Variants in CACNA1C observed in about 807,000 individuals in gnomAD.
CACNA1C encodes the protein voltage-dependent L-type calcium channel subunit alpha-1C.
Under a neutral mutation model 229.0 loss-of-function variants are expected in CACNA1C, and 30 were observed. The observed-to-expected ratio is 0.13, with a 90% CI of 0.10 to 0.18. The LOEUF is 0.18. CACNA1C is among the 10% of genes least tolerant of loss of function. CACNA1C has a pLI of 1.00. For missense variants in CACNA1C, 1,658 were observed against 2,845.0 expected (o/e 0.58, Z 9.49); for synonymous variants, 1,114 against 1,132.5 (o/e 0.98, Z 0.33).
At chr12:2,376,350 C>T (rs1325350047) in intron 3 of CACNA1C, among the ~76,000 whole-genome samples, 1 of 152,094 alleles carries the variant, frequency 6.6e-6, no homozygotes, top group Non-Finnish European at 1.5e-5. Flanking sequence ...ATTGCAGAGT[C>T]CTCATAAACT....
chr12:2,121,957 G>GT (rs1489291965), intron 3 of CACNA1C, among the ~76,000 whole-genome samples: 1 of 152,214 alleles, frequency 6.6e-6, no homozygotes. Flanking sequence ...GAGGAGTTTG[G>GT]TTTTTCTTAG....
intron 3 of CACNA1C, among the ~76,000 whole-genome samples, chr12:2,265,417 C>T (rs891364444): frequency 1.3e-5 from 2 of 152,144 alleles, no homozygotes; most frequent in African/African-American, 4.8e-5. Context: ...GGGCAGATGC[C>T]CTCTCTATCT....
chr12:1,971,218 T>C lies in CACNA1C; in HGVS notation c.139+17T>C, dbSNP rs1361759087. 2.8e-5 allele frequency: 35 copies of C among 1,270,408 alleles called. No individual in the cohort carries two copies. Among genetic ancestry groups the C allele is most frequent in the Non-Finnish European group, 3.6e-5 (35 of 972,428 alleles). The allele number at this position is 1,270,408 out of a possible 1,614,324, so 78.7% of individuals were successfully genotyped here. A position where few individuals can be genotyped will look rare whatever the true frequency, so the allele number is the denominator to read the frequency against. On this transcript the variant is annotated intron_variant, in intron 1 of 46. Transcript: ENST00000682462. The surrounding 1 kb of genome is among the most constrained non-coding windows in gnomAD (Gnocchi z 4.2). ...CTCCTGGAGGTAAGAAACCCTAAAGTGAAATAAAGAGTAGGAAGAACATGT... is the reference window on the plus strand; with the variant it reads ...CTCCTGGAGGTAAGAAACCCTAAAGCGAAATAAAGAGTAGGAAGAACATGT...
chr12:2,428,103 T>C (rs936272039), intron 3 of CACNA1C, among the ~76,000 whole-genome samples: 21 of 151,692 alleles, frequency 1.4e-4, no homozygotes, highest in African/African-American at 5.1e-4. Flanking sequence ...TAATTACACC[T>C]GAAAACTACT....
chr12:2,267,130 CTG>C (rs373103331), intron 3 of CACNA1C, among the ~76,000 whole-genome samples: 119 of 152,252 alleles, frequency 7.8e-4, no homozygotes, highest in African/African-American at 2.8e-3. Flanking sequence ...TTGCCCGGCG[CTG>C]TGTTTCCAAA....
chr12:2,265,979 A>G (rs571957029), intron 3 of CACNA1C, among the ~76,000 whole-genome samples: 1 of 152,358 alleles, frequency 6.6e-6, no homozygotes, highest in Non-Finnish European at 1.5e-5. Context: ...AATGACATCC[A>G]AACACCCACA....
At chr12:2,414,822 C>A (rs2098847048) in intron 3 of CACNA1C, among the ~76,000 whole-genome samples, 1 of 152,230 alleles carries the variant, frequency 6.6e-6, no homozygotes, top group Admixed American at 6.5e-5. Context: ...AGCCAGAGGG[C>A]AGTCAGGTGT....
intron 1 of CACNA1C, among the ~76,000 whole-genome samples, chr12:2,031,065 C>T (rs966158263): frequency 9.2e-5 from 14 of 152,212 alleles, no homozygotes; most frequent in Non-Finnish European, 1.8e-4. Flanking sequence ...TGGACAGCAG[C>T]CTAGACCTCT....
intron 3 of CACNA1C, among the ~76,000 whole-genome samples, chr12:2,411,789 A>C (rs1595578895): frequency 6.6e-6 from 1 of 152,188 alleles, no homozygotes; most frequent in African/African-American, 2.4e-5. Flanking sequence ...CCCCATCCTC[A>C]GGATTGCTGG....
chr12:2,480,846 C>A (rs2099673080), intron 5 of CACNA1C, among the ~76,000 whole-genome samples: 1 of 152,202 alleles, frequency 6.6e-6, no homozygotes, highest in Admixed American at 6.5e-5. Context: ...CATGCCTAAA[C>A]ACCAACAGAA....
At chr12:2,046,711 TCTC>T in intron 1 of CACNA1C, among the ~76,000 whole-genome samples, 1 of 152,252 alleles carries the variant, frequency 6.6e-6, no homozygotes, top group East Asian at 1.9e-4. Context: ...AAGCTTGAAT[TCTC>T]CTCACACTCC....
chr12:2,009,730 A>G (rs1471920502), intron 1 of CACNA1C, among the ~76,000 whole-genome samples: 1 of 152,232 alleles, frequency 6.6e-6, no homozygotes, highest in African/African-American at 2.4e-5. Context: ...AGTTTGAAGC[A>G]GTGTGTTATC....
Position 2,124,950 on chromosome 12 carries a change from A to G in CACNA1C, c.477+4520A>G, listed in dbSNP as rs530721870. 2.6e-5 allele frequency among the ~76,000 whole-genome samples: 4 copies of G among 152,176 alleles called. No homozygotes were observed. The South Asian group carries it at 8.3e-4, about 32-fold the overall frequency. ...GAGACTGTTTATGCTGAGGATGGAG[A>G]CTTGGGGGCAACAGGAGGAGAGACA... On this transcript the variant is annotated intron_variant, in intron 3 of 46. Transcript: ENST00000399655.
chr12:2,018,813 T>C (rs1365903126), intron 1 of CACNA1C, among the ~76,000 whole-genome samples: 1 of 152,222 alleles, frequency 6.6e-6, no homozygotes, highest in Non-Finnish European at 1.5e-5. Context: ...GTGAGTAGAA[T>C]GATCGTGATG....
At chr12:2,211,177 GC>G (rs2097908293) in intron 3 of CACNA1C, among the ~76,000 whole-genome samples, 1 of 152,238 alleles carries the variant, frequency 6.6e-6, no homozygotes, top group Non-Finnish European at 1.5e-5. Flanking sequence ...AGTAAATCAG[GC>G]AGAGCTCCCT....
intron 3 of CACNA1C, among the ~76,000 whole-genome samples, chr12:2,255,983 A>G (rs4765908): frequency 1.3e-5 from 2 of 152,112 alleles, no homozygotes; most frequent in African/African-American, 2.4e-5. Context: ...CCCTGACCTG[A>G]CTAGTTTACA....
chr12:2,315,778 G>A (rs868250914), intron 3 of CACNA1C, among the ~76,000 whole-genome samples: 1 of 152,326 alleles, frequency 6.6e-6, no homozygotes, highest in African/African-American at 2.4e-5. Flanking sequence ...TGAATGATTA[G>A]TTTTAAAATA....
intron 3 of CACNA1C, among the ~76,000 whole-genome samples, chr12:2,281,620 GTGT>G (rs931354517): frequency 6.6e-6 from 1 of 152,088 alleles, no homozygotes; most frequent in African/African-American, 2.4e-5. Flanking sequence ...CTTCTTGCTT[GTGT>G]TGTTTCTAAT....
chr12:2,197,161 G>T (rs1184763708), intron 3 of CACNA1C, among the ~76,000 whole-genome samples: 1 of 152,182 alleles, frequency 6.6e-6, no homozygotes, highest in Non-Finnish European at 1.5e-5. Flanking sequence ...AGAACCAAGA[G>T]AATGCAACAC....
Sources: gnomAD v4.1 joint callset for allele counts (sites outside exome capture counted in the v4.1 genomes callset) on GRCh38, gnomAD v4.1.1 for gene constraint, Gnocchi (gnomAD v3.1) non-coding constraint, MANE v1.5 for transcripts, NCBI Gene and HGNC (gene_info 2026-07-23, HGNC 2026-07-21) for gene names.